SCN10A: variants seen among roughly 807,000 people sequenced by gnomAD.
The protein encoded by SCN10A is sodium voltage-gated channel alpha subunit 10.
A neutral mutation model predicts 170.7 loss-of-function variants in SCN10A; 162 were observed. That is an observed-to-expected ratio of 0.95 (90% CI 0.84 to 1.08). The LOEUF is 1.08. SCN10A is among the 50% of genes least tolerant of loss of function. SCN10A has a pLI of 0.00. For missense variants in SCN10A, 2,527 were observed against 2,436.9 expected, an observed-to-expected ratio of 1.04 and a Z score of -0.78; for synonymous variants, 985 against 904.6, an observed-to-expected ratio of 1.09 and a Z score of -1.59.
At position 38,746,063 on chromosome 3, in the gene SCN10A, GTATATATATATA is replaced by G. The variant is rs1553619550; in HGVS notation, c.1868-3546_1868-3535del. Among the ~76,000 whole-genome samples the G allele has an allele frequency of 3.5e-3, 216 of 61,670 alleles. 8 individuals carry two copies. The highest frequency in any genetic ancestry group is 8.5e-3 in the African/African-American group (178 of 20,950). The allele number at this position is 61,670 out of a possible 152,430, so 40.5% of individuals were successfully genotyped here. ...TACATATATATATGTGTGTGTATGT[GTATATATATATA>G]TATATATATATATATATATATATAT... On this transcript the variant is annotated intron_variant, in intron 13 of 27. Coordinates refer to ENST00000449082, the MANE Select transcript of SCN10A (RefSeq NM_006514.4).
At chr3:38,801,742 CA>C (rs1436439616) in intron 1 of SCN10A, among the ~76,000 whole-genome samples, 6 of 152,162 alleles carry the variant, frequency 3.9e-5, no homozygotes, top group Non-Finnish European at 8.8e-5. Flanking sequence ...TGTGGATAAA[CA>C]GGTAATTATA....
rs139332101 is a variant in SCN10A, at chr3:38,723,518, C to T, written c.3264G>A (p.Thr1088=). ...TTTCCTCAGGATCTAGGCAGTCCAC[C>T]GTGCTGCCCTCAGAGGAGCTTGTGT... ...VDDTSSSEGS[T]VDCLDPEEIL... Residue 1088 remains threonine (T), a synonymous_variant, in exon 19 of 28, where the codon ACG becomes ACA. Coordinates refer to ENST00000449082, the MANE Select transcript of SCN10A (RefSeq NM_006514.4). 49 of 1,610,206 alleles carry T rather than the reference C, an allele frequency of 3.0e-5. No homozygotes were observed. Among genetic ancestry groups the T allele is most frequent in the African/African-American group, 8.0e-5 (6 of 74,862 alleles).
At chr3:38,735,086 C>G (rs575031922) in intron 15 of SCN10A, among the ~76,000 whole-genome samples, 1 of 147,192 alleles carries the variant, frequency 6.8e-6, no homozygotes, top group East Asian at 2.0e-4. Context: ...AGGAGAATGG[C>G]GTGAACCCGG....
At chr3:38,809,687 G>A (rs996936946) in intron 1 of SCN10A, among the ~76,000 whole-genome samples, 4 of 152,066 alleles carry the variant, frequency 2.6e-5, no homozygotes, top group African/African-American at 7.2e-5. Flanking sequence ...TTTCTCATTT[G>A]TACAATGAGA....
chr3:38,767,495 C>A (rs1316474396), intron 5 of SCN10A, among the ~76,000 whole-genome samples: 1 of 151,922 alleles, frequency 6.6e-6, no homozygotes, highest in Non-Finnish European at 1.5e-5. Flanking sequence ...TCATTGTTGA[C>A]CCAAAGATCA....
At chr3:38,756,124 G>A (rs1050004857) in intron 10 of SCN10A, among the ~76,000 whole-genome samples, 166 bp from the exon 11 acceptor site, 4 of 152,066 alleles carry the variant, frequency 2.6e-5, no homozygotes, top group South Asian at 2.1e-4. Context: ...CAGACACCTC[G>A]GGTCACCCCC....
intron 8 of SCN10A, among the ~76,000 whole-genome samples, chr3:38,758,352 GTCTTCTGTA>G (rs1305169122): frequency 6.6e-6 from 1 of 152,180 alleles, no homozygotes; most frequent in Non-Finnish European, 1.5e-5. Context: ...TTGTTTCTAT[GTCTTCTGTA>G]GAAATCCACC....
At chr3:38,792,952 T>C (rs1433278930) in intron 2 of SCN10A, among the ~76,000 whole-genome samples, 1 of 151,986 alleles carries the variant, frequency 6.6e-6, no homozygotes, top group Non-Finnish European at 1.5e-5. Flanking sequence ...ATATTAGAAA[T>C]TAATATATAT....
At chr3:38,748,380 A>G (rs1480455024) in intron 13 of SCN10A, among the ~76,000 whole-genome samples, 1 of 152,240 alleles carries the variant, frequency 6.6e-6, no homozygotes. Context: ...TTCTCAAAGC[A>G]CAAACTCAGG....
chr3:38,739,582 G>A lies in SCN10A; in HGVS notation c.2213C>T (p.Thr738Ile). The A allele has an allele frequency of 6.2e-7, 1 of 1,614,202 alleles. No homozygotes were observed. The highest frequency in any genetic ancestry group is 1.1e-5 in the South Asian group (1 of 91,090). ...CACGCCCAGCTCTAGCAGACTCACA[G>A]TGACGATGATGCAGTCAAAGATATT... ...KWNIFDCIIV[T>I]VSLLELGVAK... Residue 738 changes from threonine to isoleucine, a missense_variant, in exon 15 of 28, where the codon ACT (threonine) becomes ATT (isoleucine). By Grantham distance (89) the Thr-to-Ile change is moderately conservative. Transcript: ENST00000449082.
At chr3:38,769,366 G>A (rs2063972906) in intron 5 of SCN10A, among the ~76,000 whole-genome samples, 2 of 150,708 alleles carry the variant, frequency 1.3e-5, no homozygotes, top group African/African-American at 4.9e-5. Context: ...AGTCTCCTGA[G>A]TAGCTGGGAT....
rs766747934 is a variant in SCN10A, at chr3:38,728,696, C to CGG, written c.2484_2485dup (p.Arg829ProfsTer44). Reference sequence around the variant, plus strand: ...GTGGAAGAAGTCGTGCATGTGCCAGCGGGGCCAGTCTTCATGGGGCGCGGA... The same window carrying CGG: ...GTGGAAGAAGTCGTGCATGTGCCAGCGGGGGGCCAGTCTTCATGGGGCGCGGA... On this transcript the variant is annotated frameshift_variant, in exon 16 of 28. Coordinates refer to ENST00000449082, the MANE Select transcript of SCN10A (RefSeq NM_006514.4). LOFTEE classifies it high-confidence loss of function. 5.6e-6 allele frequency: 9 copies of CGG among 1,614,002 alleles called. 1 individual carries two copies. The South Asian group carries it at 9.9e-5, about 18-fold the overall frequency.
chr3:38,772,749 A>C (rs192670717), intron 4 of SCN10A, among the ~76,000 whole-genome samples: 4,972 of 151,118 alleles, frequency 0.033, 146 homozygotes, highest in African/African-American at 0.071. Flanking sequence ...AAAAAAAAAA[A>C]CCTGTACTAA....
At chr3:38,707,818 G>A (rs2063227140) in intron 25 of SCN10A, among the ~76,000 whole-genome samples, 1 of 152,164 alleles carries the variant, frequency 6.6e-6, no homozygotes, top group African/African-American at 2.4e-5. Context: ...AGGGACAGAA[G>A]CCCTCAAATC....
At chr3:38,756,384 G>A (rs1251033022) in intron 10 of SCN10A, among the ~76,000 whole-genome samples, 1 of 151,870 alleles carries the variant, frequency 6.6e-6, no homozygotes, top group African/African-American at 2.4e-5. Context: ...ATGGGATCAA[G>A]CTGAAGCTGG....
intron 5 of SCN10A, among the ~76,000 whole-genome samples, chr3:38,765,597 T>C (rs2063923534): frequency 1.3e-5 from 2 of 152,224 alleles, no homozygotes; most frequent in Admixed American, 6.5e-5. Context: ...AGTATCATGC[T>C]GTTTTGGTAC....
chr3:38,748,142 T>C (rs2063711980), intron 13 of SCN10A, among the ~76,000 whole-genome samples: 1 of 152,198 alleles, frequency 6.6e-6, no homozygotes, highest in Non-Finnish European at 1.5e-5. Flanking sequence ...ATGTTTGCTG[T>C]TTGATGACTA....
chr3:38,719,004 T>C (rs1371382733), intron 20 of SCN10A, among the ~76,000 whole-genome samples, 178 bp from the exon 21 acceptor site: 4 of 152,124 alleles, frequency 2.6e-5, no homozygotes, highest in African/African-American at 9.7e-5. Flanking sequence ...GTGGAGGAGG[T>C]ACTGTGAGAT....
At chr3:38,769,109 G>GT (rs1312848014) in intron 5 of SCN10A, among the ~76,000 whole-genome samples, 1 of 150,944 alleles carries the variant, frequency 6.6e-6, no homozygotes, top group Non-Finnish European at 1.5e-5. Flanking sequence ...AGTTGTGATT[G>GT]TTTTTTCTTT....
Sources: gnomAD v4.1 joint callset for allele counts (sites outside exome capture counted in the v4.1 genomes callset) on GRCh38, gnomAD v4.1.1 for gene constraint, MANE v1.5 for transcripts, NCBI Gene and HGNC (gene_info 2026-07-23, HGNC 2026-07-21) for gene names.